Variants in DOCK8 observed in about 807,000 individuals in gnomAD.
DOCK8 encodes the protein dedicator of cytokinesis 8, also known as dedicator of cytokinesis protein 8.
DOCK8 carries 141 observed loss-of-function variants against 245.6 expected under a neutral mutation model. The observed-to-expected ratio is 0.57, with a 90% CI of 0.50 to 0.66. DOCK8 has a LOEUF of 0.66. Ranked by LOEUF, DOCK8 falls within the 30% of genes least tolerant of loss-of-function variation. DOCK8 has a pLI of 0.00. For synonymous variants in DOCK8, 1,168 were observed against 970.2 expected, an observed-to-expected ratio of 1.20 and a Z score of -3.79; for missense variants, 2,965 against 2,603.4, an observed-to-expected ratio of 1.14 and a Z score of -3.02.
intron 23 of DOCK8, among the ~76,000 whole-genome samples, chr9:389,829 G>A (rs1300409544): frequency 1.3e-5 from 2 of 151,864 alleles, no homozygotes; most frequent in Non-Finnish European, 2.9e-5. Flanking sequence ...TAAGTGGGCA[G>A]CATGGCGAAA....
In DOCK8 at chr9:371,395, A is replaced by G; in HGVS notation, c.1869-33A>G. The G allele has an allele frequency of 1.9e-6, 3 of 1,613,920 alleles. No individual in the cohort carries two copies. The South Asian group carries it at 3.3e-5, about 18-fold the overall frequency. On this transcript the variant is annotated intron_variant, in intron 16 of 47. Transcript: ENST00000432829. ...TCAGAGAAGTCATCATTCTTGCTAA[A>G]AGTTATTTGTGTATAATGTGCTTTT...
intron 22 of DOCK8, among the ~76,000 whole-genome samples, chr9:384,468 A>C (rs1383826382): frequency 6.6e-6 from 1 of 152,166 alleles, no homozygotes; most frequent in African/African-American, 2.4e-5. Context: ...TGAGGAAGGA[A>C]ATCTGCAGGC....
Position 243,277 on chromosome 9 carries a change from C to A in DOCK8, c.53+28248C>A, listed in dbSNP as rs1452976316. ...CGTGTATAACAAATACATTTCAATT[C>A]GCGTCTAGCCCCTTAAAACCAGTGC... On this transcript the variant is annotated intron_variant, in intron 1 of 47. Coordinates refer to ENST00000432829, the MANE Select transcript of DOCK8 (RefSeq NM_203447.4). Among the ~76,000 whole-genome samples, 7 of 152,120 alleles carry A rather than the reference C, an allele frequency of 4.6e-5. No individual in the cohort carries two copies. The East Asian group carries it at 1.3e-3, about 29-fold the overall frequency.
At chr9:257,754 T>C (rs491032) in intron 1 of DOCK8, among the ~76,000 whole-genome samples, 69,276 of 151,986 alleles carry the variant, frequency 0.46, 16,271 homozygotes, top group East Asian at 0.79. Flanking sequence ...CTTGACCTCA[T>C]GATCTGCCCA....
At chr9:345,752 G>T (rs890884904) in intron 14 of DOCK8, among the ~76,000 whole-genome samples, 1 of 152,074 alleles carries the variant, frequency 6.6e-6, no homozygotes, top group Non-Finnish European at 1.5e-5. Context: ...GGCACCATTC[G>T]AGTTGCATTC....
chr9:289,056 A>G (rs1376808009), intron 3 of DOCK8, among the ~76,000 whole-genome samples: 2 of 152,190 alleles, frequency 1.3e-5, no homozygotes, highest in African/African-American at 2.4e-5. Flanking sequence ...AGTGTTTGCA[A>G]TTTCATCAAA....
At chr9:402,322 A>G (rs2055150495) in intron 26 of DOCK8, among the ~76,000 whole-genome samples, 1 of 152,178 alleles carries the variant, frequency 6.6e-6, no homozygotes, top group East Asian at 1.9e-4. Flanking sequence ...TCCCTAGACC[A>G]GGAGTCAAGA....
chr9:265,026 G>T (rs1375360228), intron 1 of DOCK8, among the ~76,000 whole-genome samples: 2 of 152,162 alleles, frequency 1.3e-5, no homozygotes, highest in African/African-American at 4.8e-5. Flanking sequence ...CCACCTCCCA[G>T]GTTCAAGCGA....
At chr9:333,056 G>C (rs752091087) in intron 10 of DOCK8, among the ~76,000 whole-genome samples, 1 of 152,138 alleles carries the variant, frequency 6.6e-6, no homozygotes, top group Non-Finnish European at 1.5e-5. Context: ...GCCACCCCCT[G>C]TTGTCTTCAT....
At chr9:343,192 C>T (rs1290476788) in intron 14 of DOCK8, among the ~76,000 whole-genome samples, 1 of 152,122 alleles carries the variant, frequency 6.6e-6, no homozygotes, top group Non-Finnish European at 1.5e-5. Context: ...TGAATGGTTC[C>T]TTGAGGTCAA....
chr9:403,913 TATAC>T (rs1457908444), intron 26 of DOCK8, among the ~76,000 whole-genome samples: 7 of 84,378 alleles, frequency 8.3e-5, no homozygotes, highest in African/African-American at 5.5e-4. Flanking sequence ...TATATATATA[TATAC>T]ATATATATAT....
intron 30 of DOCK8, among the ~76,000 whole-genome samples, chr9:418,775 A>G (rs2056146452): frequency 6.6e-6 from 1 of 152,176 alleles, no homozygotes; most frequent in Non-Finnish European, 1.5e-5. Flanking sequence ...AAAAGAGGAA[A>G]ACTTGGGAAA....
intron 2 of DOCK8, among the ~76,000 whole-genome samples, chr9:272,233 A>T (rs867928356): frequency 2.0e-5 from 3 of 152,180 alleles, no homozygotes; most frequent in Non-Finnish European, 2.9e-5. Flanking sequence ...CAGTCAAGAT[A>T]TAGAACACTT....
intron 4 of DOCK8, among the ~76,000 whole-genome samples, chr9:292,069 C>CAAAAAAAAA (rs139396600): frequency 9.5e-5 from 5 of 52,564 alleles, no homozygotes; most frequent in African/African-American, 3.2e-4. Flanking sequence ...GACCCTATCT[C>CAAAAAAAAA]AAAAAAAAAA....
chr9:447,880 C>CT (rs2057313383), intron 44 of DOCK8, among the ~76,000 whole-genome samples: 2 of 152,180 alleles, frequency 1.3e-5, no homozygotes, highest in Admixed American at 1.3e-4. Context: ...GAAGCAGTGA[C>CT]TCAGTCGGGA....
chr9:288,662 C>T (rs1020604300), intron 3 of DOCK8, among the ~76,000 whole-genome samples: 5 of 152,188 alleles, frequency 3.3e-5, no homozygotes, highest in Admixed American at 2.0e-4. Context: ...GGCACTCTTA[C>T]TACTCTAACA....
chr9:317,196 T>A (rs1452509155), intron 7 of DOCK8, 68 bp downstream of exon 7: 13 of 1,237,804 alleles, frequency 1.1e-5, no homozygotes, highest in Non-Finnish European at 1.3e-5. Context: ...AAATGTTGTG[T>A]TTATTATCAG....
intron 46 of DOCK8, among the ~76,000 whole-genome samples, chr9:458,620 G>A (rs1014211508): frequency 6.6e-6 from 1 of 151,906 alleles, no homozygotes; most frequent in Non-Finnish European, 1.5e-5. Context: ...GACCAGCCTG[G>A]GCAACATGGC....
chr9:364,641 G>GAAAAAA (rs34033459), intron 14 of DOCK8, among the ~76,000 whole-genome samples: 1,230 of 84,392 alleles, frequency 0.015, 25 homozygotes, highest in African/African-American at 0.051. Flanking sequence ...CTCAAAAATT[G>GAAAAAA]AAAAAAAAAA....
Sources: gnomAD v4.1 joint callset for allele counts (sites outside exome capture counted in the v4.1 genomes callset) on GRCh38, gnomAD v4.1.1 for gene constraint, MANE v1.5 for transcripts, NCBI Gene and HGNC (gene_info 2026-07-23, HGNC 2026-07-21) for gene names.